The following WDR59 variants were observed in gnomAD, a reference collection of about 807,000 sequenced individuals.
The protein encoded by WDR59 is WD repeat domain 59, also known as GATOR2 complex protein WDR59.
Under a neutral mutation model 131.2 loss-of-function variants are expected in WDR59, and 100 were observed. The observed-to-expected ratio is 0.76, with a 90% CI of 0.65 to 0.90. WDR59 has a LOEUF of 0.90. Among genes scored for constraint, WDR59 ranks in the 40% least tolerant of loss-of-function variants. WDR59 has a pLI of 0.00. For synonymous variants in WDR59, 601 were observed against 466.2 expected (o/e 1.29, Z -3.72); for missense variants, 1,203 against 1,262.2 (o/e 0.95, Z 0.71).
intron 8 of WDR59, among the ~76,000 whole-genome samples, chr16:74,924,234 C>T (rs545476052): frequency 1.3e-4 from 20 of 152,282 alleles, no homozygotes; most frequent in African/African-American, 3.1e-4. Context: ...GACCACTAAA[C>T]GCGGCAGGTC....
At chr16:74,964,440 G>A (rs2033684549) in intron 2 of WDR59, among the ~76,000 whole-genome samples, 1 of 151,192 alleles carries the variant, frequency 6.6e-6, no homozygotes, top group South Asian at 2.1e-4. Context: ...CCCTTATCTA[G>A]GCACCCAGTA....
chr16:74,920,808 T>C (rs1207366528), intron 10 of WDR59, among the ~76,000 whole-genome samples: 1 of 152,158 alleles, frequency 6.6e-6, no homozygotes, highest in Admixed American at 6.5e-5. Context: ...TTGCAAAAGG[T>C]TCAGAAACAG....
At chr16:74,888,068 A>G in intron 22 of WDR59, 101 bp downstream of exon 22, 1 of 1,399,286 alleles carries the variant, frequency 7.1e-7, no homozygotes, top group Non-Finnish European at 9.5e-7. Flanking sequence ...CAGTGAGCTG[A>G]GATCATGCCA....
Position 74,886,470 on chromosome 16 carries a change from A to G in WDR59, c.2420-74T>C. On this transcript the variant is annotated intron_variant, in intron 23 of 25. Transcript: ENST00000262144. ...GAAAATATCTGAAGAGTCTCATAAG[A>G]CAGCACGTGGCCAATGGATTTCCCA... 3 of 1,556,412 alleles carry G rather than the reference A, an allele frequency of 1.9e-6. No homozygotes were observed. The Admixed American group carries it at 5.7e-5, about 30-fold the overall frequency.
chr16:74,876,946 G>A (rs541667574), intron 25 of WDR59, among the ~76,000 whole-genome samples: 6 of 152,042 alleles, frequency 3.9e-5, no homozygotes, highest in Non-Finnish European at 5.9e-5. Flanking sequence ...TAATCGTGCC[G>A]GTCGCTAATG....
At chr16:74,931,375 A>G (rs950019811) in intron 8 of WDR59, among the ~76,000 whole-genome samples, 18 of 152,026 alleles carry the variant, frequency 1.2e-4, no homozygotes, top group Non-Finnish European at 2.2e-4. Context: ...TCCCTTTTTC[A>G]GGCAGGTTGG....
intron 10 of WDR59, among the ~76,000 whole-genome samples, chr16:74,918,345 G>A (rs755763129): frequency 4.6e-5 from 7 of 152,198 alleles, no homozygotes; most frequent in Non-Finnish European, 1.0e-4. Context: ...TAAATGATGT[G>A]AAATACTAAC....
At chr16:74,900,659 C>T (rs532298907) in intron 18 of WDR59, among the ~76,000 whole-genome samples, 35 of 152,274 alleles carry the variant, frequency 2.3e-4, no homozygotes, top group African/African-American at 7.9e-4. Context: ...TGAGGCGTCA[C>T]ACGTTTTAAA....
intron 1 of WDR59, among the ~76,000 whole-genome samples, chr16:74,969,567 G>A (rs937765750): frequency 2.8e-5 from 4 of 140,974 alleles, no homozygotes; most frequent in East Asian, 4.3e-4. Flanking sequence ...CACTGCACCC[G>A]GCCTGTTTTT....
At chr16:74,934,263 G>A (rs759701429) in intron 8 of WDR59, among the ~76,000 whole-genome samples, 1 of 151,920 alleles carries the variant, frequency 6.6e-6, no homozygotes. Flanking sequence ...ACATATTCAC[G>A]TTCATGCATA....
At chr16:74,933,230 G>T (rs1439321316) in intron 8 of WDR59, among the ~76,000 whole-genome samples, 2 of 152,194 alleles carry the variant, frequency 1.3e-5, no homozygotes, top group Non-Finnish European at 2.9e-5. Context: ...GAGCCCAGGA[G>T]TTCAAGGCTG....
chr16:74,914,927 T>A (rs1035680445), intron 13 of WDR59, among the ~76,000 whole-genome samples: 1 of 152,222 alleles, frequency 6.6e-6, no homozygotes, highest in Non-Finnish European at 1.5e-5. Context: ...GAGATAGTTA[T>A]GTAACAGCAC....
chr16:74,881,948 T>C lies in WDR59; in HGVS notation c.2689+3705A>G, dbSNP rs193204561. ...TACTGCTTTTGTCTGTGAGTCCATC[T>C]TTCACAATCCTGCCCTGCTTTATAA... On this transcript the variant is annotated intron_variant, in intron 25 of 25. Coordinates refer to ENST00000262144, the MANE Select transcript of WDR59 (RefSeq NM_030581.4). Among the ~76,000 whole-genome samples, 99 of 152,274 alleles carry C rather than the reference T, an allele frequency of 6.5e-4. 1 individual carries two copies. In the East Asian group the frequency reaches 0.018, roughly 27 times the overall value.
intron 1 of WDR59, among the ~76,000 whole-genome samples, chr16:74,975,422 G>A (rs562382417): frequency 2.6e-5 from 4 of 151,908 alleles, no homozygotes; most frequent in African/African-American, 9.6e-5. Flanking sequence ...CAGCACTTTG[G>A]GAGGCCAAGA....
chr16:74,885,102 A>G (rs1329562535), intron 25 of WDR59, among the ~76,000 whole-genome samples: 2 of 152,220 alleles, frequency 1.3e-5, no homozygotes, highest in Non-Finnish European at 2.9e-5. Flanking sequence ...ATGAAGAAAT[A>G]TCCATCCCTC....
chr16:74,940,994 G>A (rs1198874973), intron 7 of WDR59, among the ~76,000 whole-genome samples: 3 of 151,696 alleles, frequency 2.0e-5, no homozygotes, highest in African/African-American at 4.8e-5. Flanking sequence ...GTGAGCCACC[G>A]CGCCCAGCCG....
At chr16:74,900,404 T>C (rs1965497522) in intron 18 of WDR59, among the ~76,000 whole-genome samples, 1 of 152,214 alleles carries the variant, frequency 6.6e-6, no homozygotes, top group Non-Finnish European at 1.5e-5. Context: ...AGTATCTGTT[T>C]ACGGAGATCA....
chr16:74,927,510 C>A (rs2030934553), intron 8 of WDR59, among the ~76,000 whole-genome samples: 1 of 151,286 alleles, frequency 6.6e-6, no homozygotes, highest in African/African-American at 2.4e-5. Context: ...ATTGCTTGAA[C>A]CCCGGAGGTG....
At chr16:74,898,484 G>A (rs1233034132) in intron 18 of WDR59, among the ~76,000 whole-genome samples, 1 of 152,200 alleles carries the variant, frequency 6.6e-6, no homozygotes, top group East Asian at 1.9e-4. Flanking sequence ...GCACCAGGCT[G>A]CCCCTCTGAA....
Sources: allele counts gnomAD v4.1 joint callset (sites outside exome capture counted in the v4.1 genomes callset), GRCh38; gene constraint gnomAD v4.1.1; transcripts MANE v1.5; gene names NCBI Gene and HGNC (gene_info 2026-07-23, HGNC 2026-07-21).